Variants in RFX4 observed in about 807,000 individuals in gnomAD.
RFX4 encodes regulatory factor X4.
RFX4 carries 10 observed loss-of-function variants against 95.0 expected under a neutral mutation model. The ratio of observed to expected loss-of-function variants is 0.11; its 90% CI spans 0.06 to 0.18. The LOEUF (loss-of-function observed/expected upper bound fraction) is 0.18, where lower values mean the gene tolerates loss of function less well. RFX4 is among the 10% of genes least tolerant of loss of function. The probability of loss-of-function intolerance (pLI) is 1.00; values close to 1 mark genes in which losing one functional copy is unlikely to be tolerated. For missense variants in RFX4, 640 were observed against 922.0 expected (o/e 0.69, Z 3.96); for synonymous variants, 321 against 340.7 (o/e 0.94, Z 0.64).
At chr12:106,713,646 C>T (rs1179517865) in intron 10 of RFX4, among the ~76,000 whole-genome samples, 1 of 152,184 alleles carries the variant, frequency 6.6e-6, no homozygotes, top group African/African-American at 2.4e-5. Flanking sequence ...ACAGTAGCCA[C>T]TTTTATTGAG....
chr12:106,594,325 G>GAGA lies in RFX4; in HGVS notation c.43+10964_43+10966dup, dbSNP rs571712043. ...TTCTAAAGCGTCGAGCGGTTGTTGT[G>GAGA]AGAAAGGCTTTGGTCTCCGTGAACT... On this transcript the variant is annotated intron_variant, in intron 1 of 17. Transcript: ENST00000392842. 1.6e-3 allele frequency among the ~76,000 whole-genome samples: 251 copies of GAGA among 152,316 alleles called. 3 individuals are homozygous for GAGA. The Middle Eastern group carries it at 0.024, about 14-fold the overall frequency.
intron 1 of RFX4, among the ~76,000 whole-genome samples, chr12:106,598,617 G>A (rs997045689): frequency 3.3e-5 from 5 of 152,170 alleles, no homozygotes; most frequent in African/African-American, 1.2e-4. Flanking sequence ...GGGTGTTTTG[G>A]TGGCTTACCT....
At chr12:106,717,688 GT>G (rs1378335492) in intron 11 of RFX4, among the ~76,000 whole-genome samples, 1 of 152,208 alleles carries the variant, frequency 6.6e-6, no homozygotes, top group Admixed American at 6.5e-5. Context: ...ACAGTTAATG[GT>G]AAATAAGACC....
intron 4 of RFX4, among the ~76,000 whole-genome samples, chr12:106,666,454 C>T (rs975798981): frequency 1.2e-4 from 18 of 152,054 alleles, no homozygotes; most frequent in African/African-American, 4.3e-4. Flanking sequence ...TGGTGTCTGA[C>T]ATTAATTTGA....
intron 4 of RFX4, among the ~76,000 whole-genome samples, chr12:106,680,012 G>T (rs375894500): frequency 2.0e-5 from 3 of 152,128 alleles, no homozygotes; most frequent in South Asian, 2.1e-4. Context: ...CAAGAGTCAG[G>T]GTTAAAGAGA....
intron 17 of RFX4, among the ~76,000 whole-genome samples, chr12:106,760,265 G>A (rs1376482935): frequency 6.6e-6 from 1 of 152,226 alleles, no homozygotes; most frequent in African/African-American, 2.4e-5. Flanking sequence ...CTGGCCTGCA[G>A]ACTGGGAGCT....
chr12:106,707,871 G>A (rs537705354), intron 8 of RFX4, among the ~76,000 whole-genome samples: 2 of 152,298 alleles, frequency 1.3e-5, no homozygotes, highest in East Asian at 1.9e-4. Context: ...AGTGGCTCAC[G>A]CCTGTAATCC....
intron 1 of RFX4, among the ~76,000 whole-genome samples, chr12:106,594,407 C>T (rs2039585730): frequency 6.6e-6 from 1 of 152,178 alleles, no homozygotes; most frequent in Non-Finnish European, 1.5e-5. Context: ...GGGTAGGGGA[C>T]CTTTTCAGAA....
chr12:106,639,792 G>C (rs1285289551), intron 3 of RFX4, among the ~76,000 whole-genome samples: 1 of 152,114 alleles, frequency 6.6e-6, no homozygotes, highest in African/African-American at 2.4e-5. Context: ...ACACTAACAA[G>C]AGTAATCTAC....
At chr12:106,715,634 C>A in intron 11 of RFX4, 90 bp downstream of exon 11, 1 of 1,408,662 alleles carries the variant, frequency 7.1e-7, no homozygotes, top group Non-Finnish European at 9.8e-7. Flanking sequence ...GCATCCCCAC[C>A]CTGTTCTTCC....
chr12:106,724,733 G>T (rs1015464650), intron 13 of RFX4, among the ~76,000 whole-genome samples: 4 of 152,058 alleles, frequency 2.6e-5, no homozygotes, highest in African/African-American at 9.7e-5. Flanking sequence ...ATTAAAGGAT[G>T]CATTTCAGCT....
intron 8 of RFX4, among the ~76,000 whole-genome samples, chr12:106,698,815 T>C (rs1282074874): frequency 6.6e-6 from 1 of 152,134 alleles, no homozygotes; most frequent in African/African-American, 2.4e-5. Context: ...TCCTTTTTCT[T>C]GGTCAGTGTG....
At chr12:106,739,208 TTATTAA>T (rs2042764514) in intron 15 of RFX4, among the ~76,000 whole-genome samples, 1 of 152,208 alleles carries the variant, frequency 6.6e-6, no homozygotes, top group Non-Finnish European at 1.5e-5. Flanking sequence ...TATTAAAATC[TTATTAA>T]TATGTGAAAT....
At chr12:106,606,422 C>A (rs887426779) in intron 1 of RFX4, among the ~76,000 whole-genome samples, 2 of 152,054 alleles carry the variant, frequency 1.3e-5, no homozygotes. Context: ...ATGGCTGCTG[C>A]CAGGGAAAAT....
intron 4 of RFX4, among the ~76,000 whole-genome samples, chr12:106,670,583 A>C (rs530284826): frequency 1.5e-4 from 23 of 152,274 alleles, no homozygotes; most frequent in Middle Eastern, 6.8e-3. Context: ...CTCAGTATGA[A>C]TTTCTTGTAG....
chr12:106,692,417 A>G (rs1388205794), intron 7 of RFX4, among the ~76,000 whole-genome samples: 1 of 152,184 alleles, frequency 6.6e-6, no homozygotes, highest in African/African-American at 2.4e-5. Flanking sequence ...GTTCTAGAAT[A>G]TGATGTTAGG....
rs1243334492 is a variant in RFX4, at chr12:106,666,063, G to T, written c.315+11712G>T. 4.0e-5 allele frequency among the ~76,000 whole-genome samples: 6 copies of T among 151,882 alleles called. 1 individual carries two copies. The South Asian group carries it at 1.2e-3, about 32-fold the overall frequency. The stretch of plus-strand genomic sequence containing the variant: ...TCTTTTAACATTTCTTGCAAGTCAG[G>T]TTTACTGAAAACAAATTCCCTTAAT... On this transcript the variant is annotated intron_variant, in intron 4 of 17. Coordinates refer to ENST00000392842, the MANE Select transcript of RFX4 (RefSeq NM_213594.3).
At chr12:106,621,449 C>T (rs1292745106) in intron 2 of RFX4, among the ~76,000 whole-genome samples, 1 of 152,178 alleles carries the variant, frequency 6.6e-6, no homozygotes, top group African/African-American at 2.4e-5. Context: ...TTCCTAAAGC[C>T]TGGCCTTTCT....
intron 4 of RFX4, among the ~76,000 whole-genome samples, chr12:106,671,125 A>G (rs61556883): frequency 0.011 from 1,673 of 152,292 alleles, 29 homozygotes; most frequent in African/African-American, 0.039. Context: ...CTCATTTTTA[A>G]ACTATGTTCA....
Sources: allele counts gnomAD v4.1 joint callset (sites outside exome capture counted in the v4.1 genomes callset), GRCh38; gene constraint gnomAD v4.1.1; transcripts MANE v1.5; gene names NCBI Gene and HGNC (gene_info 2026-07-23, HGNC 2026-07-21).